THAP5: variants seen among roughly 807,000 people sequenced by gnomAD.
The protein encoded by THAP5 is THAP domain containing 5, also known as THAP domain-containing protein 5.
Under a neutral mutation model 34.0 loss-of-function variants are expected in THAP5, and 26 were observed. The observed-to-expected ratio is 0.77, with a 90% confidence interval of 0.56 to 1.06. The LOEUF (loss-of-function observed/expected upper bound fraction) is 1.06. Ranked by LOEUF, THAP5 falls within the 50% of genes least tolerant of loss-of-function variation. The pLI is 0.00. For missense variants in THAP5, 394 were observed against 452.8 expected (o/e 0.87, Z 1.18); for synonymous variants, 125 against 153.0 (o/e 0.82, Z 1.35).
chr7:108,569,650 A>C lies in THAP5; in HGVS notation c.-81T>G, dbSNP rs1599016261. 6.6e-7 allele frequency: 1 copy of C among 1,510,916 alleles called. No individual in the cohort carries two copies. The highest frequency in any genetic ancestry group is 2.0e-5 in the Admixed American group (1 of 50,146). 93.6% of individuals were successfully genotyped at this position (1,510,916 alleles called of 1,614,324 possible). A position where few individuals can be genotyped will look rare whatever the true frequency, so the allele number is the denominator to read the frequency against. ...CTCACTGAGGATGCGCCACAGGTCC[A>C]GGCCTCTCGAGCCCCTGCGCCTGCG... On this transcript the variant is annotated 5_prime_UTR_variant, in exon 1 of 3. Coordinates refer to ENST00000415914, the MANE Select transcript of THAP5 (RefSeq NM_001130475.3).
intron 1 of THAP5, among the ~76,000 whole-genome samples, chr7:108,556,675 A>T (rs1415183376): frequency 6.6e-6 from 1 of 152,156 alleles, no homozygotes; most frequent in Non-Finnish European, 1.5e-5. Context: ...AGCTGCTTTC[A>T]TGGGCTGGAG....
At chr7:108,566,497 A>G (rs545510675) in intron 1 of THAP5, among the ~76,000 whole-genome samples, 1 of 147,986 alleles carries the variant, frequency 6.8e-6, no homozygotes, top group African/African-American at 2.5e-5. Flanking sequence ...ATCTTATTTA[A>G]TATTTAAAAA....
At chr7:108,568,979 C>G in intron 1 of THAP5, 1 of 389,488 alleles carries the variant, frequency 2.6e-6, no homozygotes, top group Non-Finnish European at 3.6e-6. Context: ...CAGCCCTAAG[C>G]AGAAGACTAG....
chr7:108,569,233 C>A lies in THAP5; in HGVS notation c.80+257G>T, dbSNP rs1007271464. On this transcript the variant is annotated intron_variant, in intron 1 of 2. Transcript: ENST00000415914. Reference sequence around the variant, plus strand: ...GAAAAGACTGAAAACCACAGAAGCCCGCGCAAACTTTACTGTTTTAACTGT... The same window carrying A: ...GAAAAGACTGAAAACCACAGAAGCCAGCGCAAACTTTACTGTTTTAACTGT... 3.5e-5 allele frequency: 48 copies of A among 1,368,852 alleles called. No individual in the cohort carries two copies. In the Admixed American group the frequency reaches 3.9e-4, roughly 11 times the overall value. The allele number at this position is 1,368,852 out of a possible 1,614,324, so 84.8% of individuals were successfully genotyped here.
At chr7:108,549,446 C>T in the THAP5 span, among the ~76,000 whole-genome samples, 1 of 152,106 alleles carries the variant, frequency 6.6e-6, no homozygotes, top group Non-Finnish European at 1.5e-5. Flanking sequence ...TGGATTTAGG[C>T]ACTGTCTTTT....
intron 1 of THAP5, chr7:108,569,097 A>C: frequency 9.6e-7 from 1 of 1,044,632 alleles, no homozygotes; most frequent in South Asian, 3.4e-5. Flanking sequence ...TATGCGACCT[A>C]CCTCGCGGGG....
chr7:108,552,003 A>G (rs1864356421), downstream of THAP5, among the ~76,000 whole-genome samples: 1 of 152,100 alleles, frequency 6.6e-6, no homozygotes, highest in Non-Finnish European at 1.5e-5. Context: ...CCTGGAGGGT[A>G]TACACTTGGT....
downstream of THAP5, among the ~76,000 whole-genome samples, chr7:108,561,430 ATTTTTTTT>A (rs372485775): frequency 7.8e-6 from 1 of 127,962 alleles, no homozygotes; most frequent in African/African-American, 3.0e-5. Flanking sequence ...TGCCTGGCTG[ATTTTTTTT>A]TTTTTTTTTT....
chr7:108,565,069 T>G lies in THAP5; in HGVS notation c.310A>C (p.Asn104His), dbSNP rs770854983. 1 of 1,520,764 alleles carries G rather than the reference T, an allele frequency of 6.6e-7. No individual in the cohort carries two copies. The highest frequency in any genetic ancestry group is 8.8e-7 in the Non-Finnish European group (1 of 1,136,000). 94.2% of individuals were successfully genotyped at this position (1,520,764 alleles called of 1,614,324 possible). The change falls in exon 3 of 3, where the codon AAC becomes CAC. Residue 104 changes from asparagine (N) to histidine (H), a missense_variant. Coordinates refer to ENST00000415914, the MANE Select transcript of THAP5 (RefSeq NM_001130475.3). ...CATACTTCTTTCTCATCTTCCAAGT[T>G]TTTCTTCTGGGATTTTTTTTTAGAA... Reference protein sequence around the residue: ...DPSKKKSQKKNLEDEKEVCPK... With the variant: ...DPSKKKSQKKHLEDEKEVCPK...
At chr7:108,569,408 G>T in intron 1 of THAP5, 82 bp downstream of exon 1, 4 of 1,546,252 alleles carry the variant, frequency 2.6e-6, no homozygotes, top group Non-Finnish European at 3.5e-6. Context: ...CTGGCAGAGC[G>T]GACAGGAGAC....
At chr7:108,554,660 G>A (rs1415288000) in exon 2 of THAP5, 1 of 152,162 alleles carries the variant, frequency 6.6e-6, no homozygotes, top group Non-Finnish European at 1.5e-5. Context: ...AGATCTTCAA[G>A]TAGCCTCATT....
At chr7:108,541,771 G>A in the THAP5 span, among the ~76,000 whole-genome samples, 1 of 152,278 alleles carries the variant, frequency 6.6e-6, no homozygotes, top group East Asian at 1.9e-4. Context: ...CAGTGAAAAG[G>A]TCTTTAATAC....
downstream of THAP5, among the ~76,000 whole-genome samples, chr7:108,558,367 A>ATGTGTGTG (rs1473520288): frequency 2.6e-4 from 27 of 104,366 alleles, no homozygotes; most frequent in African/African-American, 8.5e-4. Context: ...ATATATGTAT[A>ATGTGTGTG]TGTGTGTGTG....
Position 108,565,885 on chromosome 7 carries a change from C to A in THAP5, c.218G>T (p.Arg73Leu). 6.5e-7 allele frequency: 1 copy of A among 1,548,444 alleles called. No homozygotes were observed. The highest frequency in any genetic ancestry group is 8.7e-7 in the Non-Finnish European group (1 of 1,146,500). The change falls in exon 2 of 3, where the codon CGA becomes CTA. Residue 73 changes from arginine to leucine, a missense_variant. Physicochemically the swap from Arg to Leu is moderately radical, Grantham distance 102 (BLOSUM62 -2). Transcript: ENST00000415914. Reference sequence around the variant, plus strand: ...TGGAACTGCAGTTTGTTTTAAATATCGAATACCCCATCTGATGTCAAGAGA... The same window carrying A: ...TGGAACTGCAGTTTGTTTTAAATATAGAATACCCCATCTGATGTCAAGAGA... ...PDSLDIRWGIRYLKQTAVPTI... is the reference protein window; with the variant it reads ...PDSLDIRWGILYLKQTAVPTI...
downstream of THAP5, among the ~76,000 whole-genome samples, chr7:108,554,361 G>A (rs1220979023): frequency 6.6e-6 from 1 of 152,080 alleles, no homozygotes; most frequent in Non-Finnish European, 1.5e-5. Context: ...ATTGATTAGA[G>A]TAGATTTTTC....
rs1378308552 is a variant in THAP5 at position 108,562,261 on chromosome 7, CAA to C, written c.*1928_*1929del. 5.5e-5 allele frequency: 8 copies of C among 146,104 alleles called. No homozygotes were observed. The highest frequency in any genetic ancestry group is 2.1e-4 in the South Asian group (1 of 4,712). The allele number at this position is 146,104 out of a possible 1,614,324, so 9.1% of individuals were successfully genotyped here. ...AACATATCATTACTTTATTGTGACT[CAA>C]GATTATTTTCATCTGTATTAAATTA... On this transcript the variant is annotated 3_prime_UTR_variant, in exon 3 of 3. Transcript: ENST00000415914.
chr7:108,558,377 GTATGTATATATA>G (rs1305966435), downstream of THAP5, among the ~76,000 whole-genome samples: 29 of 63,018 alleles, frequency 4.6e-4, 1 homozygote, highest in African/African-American at 2.0e-3. Flanking sequence ...ATGTGTGTGT[GTATGTATATATA>G]TATATATATA....
At chr7:108,556,360 T>C (rs1864385805) in intron 1 of THAP5, among the ~76,000 whole-genome samples, 1 of 152,150 alleles carries the variant, frequency 6.6e-6, no homozygotes, top group Admixed American at 6.6e-5. Context: ...CTGAGATAAG[T>C]CAAGAACCTT....
downstream of THAP5, among the ~76,000 whole-genome samples, chr7:108,551,554 C>T (rs1005650533): frequency 6.6e-5 from 10 of 152,190 alleles, no homozygotes; most frequent in African/African-American, 2.2e-4. Flanking sequence ...TCTGTTATAG[C>T]AGTAGAAAAT....
Sources: allele counts gnomAD v4.1 joint callset (sites outside exome capture counted in the v4.1 genomes callset), GRCh38; gene constraint gnomAD v4.1.1; transcripts MANE v1.5; gene names NCBI Gene and HGNC (gene_info 2026-07-23, HGNC 2026-07-21).